Variants in DDC observed in about 807,000 individuals in gnomAD.
DDC encodes the protein aromatic-L-amino-acid decarboxylase.
A neutral mutation model predicts 60.0 loss-of-function variants in DDC; 43 were observed. The ratio of observed to expected loss-of-function variants is 0.72; its 90% CI spans 0.56 to 0.92. The LOEUF is 0.92. Ranked by LOEUF, DDC falls within the 40% of genes least tolerant of loss-of-function variation. The pLI is 0.00. For missense variants in DDC, 573 were observed against 620.2 expected (o/e 0.92, Z 0.81); for synonymous variants, 232 against 234.6 (o/e 0.99, Z 0.10).
chr7:50,534,317 C>A (rs769526084), intron 4 of DDC, among the ~76,000 whole-genome samples: 1 of 152,254 alleles, frequency 6.6e-6, no homozygotes, highest in East Asian at 1.9e-4. Context: ...CCACTCTGAC[C>A]GATCTCCTAC....
intron 1 of DDC, among the ~76,000 whole-genome samples, chr7:50,553,472 TTTC>T (rs1322715805): frequency 1.5e-5 from 2 of 136,174 alleles, no homozygotes; most frequent in African/African-American, 2.6e-5. Context: ...TTTCTTTTCT[TTTC>T]TTTCTTTTCT....
intron 12 of DDC, 123 bp from the exon 13 acceptor site, chr7:50,467,438 C>G (rs1402279635): frequency 2.5e-6 from 2 of 811,350 alleles, no homozygotes; most frequent in Non-Finnish European, 4.1e-6. Context: ...CAATTTTCCT[C>G]AAGTGCTTTT....
At position 50,510,710 on chromosome 7, in the gene DDC, G is replaced by A. The variant is rs1343721279; in HGVS notation, c.715-6651C>T. Among the ~76,000 whole-genome samples the A allele has an allele frequency of 5.4e-5, 8 of 148,402 alleles. No individual in the cohort carries two copies. The East Asian group carries it at 6.0e-4, about 11-fold the overall frequency. ...AAATGTAAGTAAGATGGCAGGGCAC[G>A]GTGGCTCACGCCTGTAATCACAGCA... On this transcript the variant is annotated intron_variant, in intron 6 of 14. Coordinates refer to ENST00000444124, the MANE Select transcript of DDC (RefSeq NM_001082971.2).
chr7:50,469,264 A>ATTTT (rs1231259896), intron 12 of DDC, among the ~76,000 whole-genome samples: 1 of 149,052 alleles, frequency 6.7e-6, no homozygotes, highest in African/African-American at 2.6e-5. Context: ...TTAAAAAAAA[A>ATTTT]AAAAAAAAAA....
At chr7:50,468,780 C>A (rs985126334) in intron 12 of DDC, among the ~76,000 whole-genome samples, 2 of 152,046 alleles carry the variant, frequency 1.3e-5, no homozygotes, top group Non-Finnish European at 2.9e-5. Flanking sequence ...TCCCATGAAG[C>A]CTGGGGACCT....
At chr7:50,516,377 GAAC>G (rs1344444076) in intron 6 of DDC, among the ~76,000 whole-genome samples, 1 of 151,998 alleles carries the variant, frequency 6.6e-6, no homozygotes, top group South Asian at 2.1e-4. Context: ...TCTTCAAACA[GAAC>G]AACAGTAACG....
chr7:50,561,390 G>A (rs540402004), intron 1 of DDC, among the ~76,000 whole-genome samples: 3 of 152,278 alleles, frequency 2.0e-5, no homozygotes, highest in South Asian at 4.1e-4. Context: ...CCACTCCAAG[G>A]GTGAGGAAGG....
At chr7:50,544,356 G>A (rs772173400) in intron 1 of DDC, among the ~76,000 whole-genome samples, 2 of 152,160 alleles carry the variant, frequency 1.3e-5, no homozygotes, top group African/African-American at 2.4e-5. Context: ...ACAACACAAC[G>A]TCGCTTTATT....
chr7:50,565,087 A>C (rs1173558815), intron 1 of DDC, among the ~76,000 whole-genome samples, 198 bp downstream of exon 1: 1 of 152,188 alleles, frequency 6.6e-6, no homozygotes, highest in African/African-American at 2.4e-5. Flanking sequence ...CTGTGTGTGC[A>C]TGGAGAGCCA....
chr7:50,524,543 A>G (rs1462924870), intron 6 of DDC, among the ~76,000 whole-genome samples: 1 of 152,226 alleles, frequency 6.6e-6, no homozygotes, highest in South Asian at 2.1e-4. Flanking sequence ...TGACGAGGAC[A>G]TATAGATAGT....
At position 50,565,061 on chromosome 7, in the gene DDC, T is replaced by C. The variant is rs557279153; in HGVS notation, c.-29+224A>G. ...AATCATTCCCAGCACCTATCAAACA[T>C]GTGTCACTGGAGTGACTGTGTGTGC... On this transcript the variant is annotated intron_variant, in intron 1 of 14. Coordinates refer to ENST00000444124, the MANE Select transcript of DDC (RefSeq NM_001082971.2). 7.2e-5 allele frequency among the ~76,000 whole-genome samples: 11 copies of C among 152,290 alleles called. No homozygotes were observed. The South Asian group carries it at 2.3e-3, about 32-fold the overall frequency.
chr7:50,470,243 C>T, intron 11 of DDC, 72 bp from the exon 12 acceptor site: 1 of 1,150,046 alleles, frequency 8.7e-7, no homozygotes, highest in Non-Finnish European at 1.3e-6. Context: ...GGCTCACCGG[C>T]TCGCCTATTT....
Position 50,472,632 on chromosome 7 carries a change from A to G in DDC, c.1042-2461T>C, listed in dbSNP as rs1314183258. On this transcript the variant is annotated intron_variant, in intron 11 of 14. Coordinates refer to ENST00000444124, the MANE Select transcript of DDC (RefSeq NM_001082971.2). ...CTGTCTCCTCCCCTATGAAACAGGCATAATGATGCCCACTTTACCCAGGAC... is the reference window on the plus strand; with the variant it reads ...CTGTCTCCTCCCCTATGAAACAGGCGTAATGATGCCCACTTTACCCAGGAC... 3.3e-5 allele frequency among the ~76,000 whole-genome samples: 5 copies of G among 152,168 alleles called. No individual in the cohort carries two copies. The East Asian group carries it at 9.7e-4, about 29-fold the overall frequency.
chr7:50,486,145 AT>A (rs1264775989), intron 9 of DDC, among the ~76,000 whole-genome samples: 8 of 152,168 alleles, frequency 5.3e-5, no homozygotes. Context: ...AGTGACCCTG[AT>A]TTTGGCTCAT....
intron 11 of DDC, 133 bp downstream of exon 11, chr7:50,476,491 G>A: frequency 2.4e-6 from 2 of 850,120 alleles, no homozygotes; most frequent in East Asian, 2.5e-5. Context: ...TAATTTGTCA[G>A]TTAGGACCCA....
intron 6 of DDC, among the ~76,000 whole-genome samples, chr7:50,523,117 T>A (rs572886149): frequency 5.3e-4 from 80 of 152,216 alleles, no homozygotes; most frequent in African/African-American, 1.8e-3. Context: ...ATGCAAAAAA[T>A]GAATCTAGAC....
At chr7:50,534,781 C>T (rs1039794366) in intron 4 of DDC, among the ~76,000 whole-genome samples, 8 of 152,214 alleles carry the variant, frequency 5.3e-5, no homozygotes, top group East Asian at 3.9e-4. Flanking sequence ...TCTGCAGGCA[C>T]GCAGCTGTCC....
At chr7:50,481,841 A>G (rs1371083478) in intron 9 of DDC, among the ~76,000 whole-genome samples, 1 of 152,102 alleles carries the variant, frequency 6.6e-6, no homozygotes, top group Non-Finnish European at 1.5e-5. Flanking sequence ...TTATAATTCC[A>G]TGCATGTTTC....
chr7:50,500,299 A>G (rs2043222090), intron 7 of DDC, among the ~76,000 whole-genome samples: 1 of 152,074 alleles, frequency 6.6e-6, no homozygotes, highest in Non-Finnish European at 1.5e-5. Context: ...CTAATTAGTC[A>G]CAGTTCCAAT....
Sources: allele counts gnomAD v4.1 joint callset (sites outside exome capture counted in the v4.1 genomes callset), GRCh38; gene constraint gnomAD v4.1.1; transcripts MANE v1.5; gene names NCBI Gene and HGNC (gene_info 2026-07-23, HGNC 2026-07-21).